Variants in APAF1 observed in about 807,000 individuals in gnomAD.
APAF1 encodes apoptotic protease-activating factor 1.
A neutral mutation model predicts 152.4 loss-of-function variants in APAF1; 91 were observed. That is an observed-to-expected ratio of 0.60 (90% CI 0.50 to 0.71). APAF1 has a LOEUF of 0.71. APAF1 is among the 30% of genes least tolerant of loss of function. The pLI, the probability that APAF1 is intolerant of heterozygous loss-of-function variation, is 0.00. For missense variants in APAF1, 1,283 were observed against 1,472.0 expected (o/e 0.87, Z 2.10); for synonymous variants, 484 against 494.1 (o/e 0.98, Z 0.27).
chr12:98,717,355 C>T (rs973623810), intron 22 of APAF1, among the ~76,000 whole-genome samples: 14 of 150,290 alleles, frequency 9.3e-5, no homozygotes, highest in African/African-American at 2.0e-4. Context: ...AAATTATATA[C>T]ACACACACAC....
intron 19 of APAF1, among the ~76,000 whole-genome samples, chr12:98,707,271 C>T (rs989908073): frequency 6.6e-6 from 1 of 152,176 alleles, no homozygotes; most frequent in Non-Finnish European, 1.5e-5. Flanking sequence ...CAACACTGGA[C>T]TGCTCACATT....
intron 5 of APAF1, among the ~76,000 whole-genome samples, 199 bp downstream of exon 5, chr12:98,659,542 A>C (rs2097662116): frequency 6.6e-6 from 1 of 152,054 alleles, no homozygotes; most frequent in South Asian, 2.1e-4. Flanking sequence ...ACCTGAGGTC[A>C]GGAGTTCAAG....
At chr12:98,679,868 C>T (rs1014739175) in intron 13 of APAF1, among the ~76,000 whole-genome samples, 56 of 152,386 alleles carry the variant, frequency 3.7e-4, no homozygotes, top group African/African-American at 1.2e-3. Context: ...CACTCACACA[C>T]GCCTCGCTGT....
At chr12:98,657,647 G>T (rs1032462917) in intron 4 of APAF1, among the ~76,000 whole-genome samples, 2 of 152,318 alleles carry the variant, frequency 1.3e-5, no homozygotes, top group East Asian at 3.9e-4. Context: ...GTAGGTTAAG[G>T]TGGGTTGTTT....
chr12:98,734,643 G>A lies in APAF1; in HGVS notation c.*2077G>A, dbSNP rs2097766705. The A allele has an allele frequency of 6.6e-6, 1 of 152,664 alleles. No individual in the cohort carries two copies. Among genetic ancestry groups the A allele is most frequent in the Admixed American group, 6.5e-5 (1 of 15,288 alleles). The allele number at this position is 152,664 out of a possible 1,614,324, so 9.5% of individuals were successfully genotyped here. On this transcript the variant is annotated 3_prime_UTR_variant, in exon 27 of 27. Transcript: ENST00000551964. Reference sequence around the variant, plus strand: ...CCTTTGATGGAATCATAAATACAGTGAATACAATCCTTTGCATTGTTAAGG... The same window carrying A: ...CCTTTGATGGAATCATAAATACAGTAAATACAATCCTTTGCATTGTTAAGG...
chr12:98,697,028 G>C (rs755768948), intron 16 of APAF1, among the ~76,000 whole-genome samples: 1 of 152,080 alleles, frequency 6.6e-6, no homozygotes, highest in Non-Finnish European at 1.5e-5. Context: ...GTTGGGGAAG[G>C]GTTCACATAC....
At chr12:98,725,625 C>A in intron 25 of APAF1, 85 bp downstream of exon 25, 1 of 1,583,218 alleles carries the variant, frequency 6.3e-7, no homozygotes, top group Non-Finnish European at 8.7e-7. Context: ...GTTCACGGGC[C>A]AGGGAAGCAT....
In APAF1 at chr12:98,706,558, T is replaced by G; in HGVS notation, c.2669T>G (p.Phe890Cys). The G allele has an allele frequency of 6.2e-7, 1 of 1,614,058 alleles. No homozygotes were observed. The highest frequency in any genetic ancestry group is 8.5e-7 in the Non-Finnish European group (1 of 1,179,936). Residue 890 changes from phenylalanine (F) to cysteine (C), a missense_variant, in exon 19 of 27, where the codon TTT becomes TGT. Physicochemically the swap from Phe to Cys is radical, Grantham distance 205 (BLOSUM62 -2). Coordinates refer to ENST00000551964, the MANE Select transcript of APAF1 (RefSeq NM_181861.2). Reference protein sequence around the residue: ...GHLSWVHGVMFSPDGSSFLTS... With the variant: ...GHLSWVHGVMCSPDGSSFLTS... ...TTAAGTTGGGTTCATGGTGTGATGTTTTCTCCTGATGGATCATCATTTTTG... is the reference window on the plus strand; with the variant it reads ...TTAAGTTGGGTTCATGGTGTGATGTGTTCTCCTGATGGATCATCATTTTTG...
At chr12:98,672,757 T>C (rs543940824) in intron 12 of APAF1, among the ~76,000 whole-genome samples, 80 of 152,104 alleles carry the variant, frequency 5.3e-4, no homozygotes, top group Non-Finnish European at 9.4e-4. Flanking sequence ...TATTTTATTT[T>C]ATTTTATTTT....
At chr12:98,681,766 A>G (rs1399744714) in intron 14 of APAF1, among the ~76,000 whole-genome samples, 1 of 152,188 alleles carries the variant, frequency 6.6e-6, no homozygotes, top group Non-Finnish European at 1.5e-5. Context: ...TTCTAAAGTC[A>G]GAGCTACATG....
intron 7 of APAF1, among the ~76,000 whole-genome samples, chr12:98,663,923 G>C (rs2097668807): frequency 6.6e-6 from 1 of 152,128 alleles, no homozygotes; most frequent in African/African-American, 2.4e-5. Flanking sequence ...CTCCCAAAGT[G>C]CTGGGATTAT....
chr12:98,646,712 T>G (rs1470343817), intron 1 of APAF1, among the ~76,000 whole-genome samples: 2 of 152,218 alleles, frequency 1.3e-5, no homozygotes, highest in Non-Finnish European at 2.9e-5. Context: ...CTCTATACAT[T>G]GTGTAAAGTT....
chr12:98,690,020 A>G (rs2097702539), intron 16 of APAF1, among the ~76,000 whole-genome samples: 1 of 152,186 alleles, frequency 6.6e-6, no homozygotes, highest in African/African-American at 2.4e-5. Context: ...AATTGTACTC[A>G]AGTATTCAGT....
At chr12:98,674,890 G>C (rs972880843) in intron 12 of APAF1, among the ~76,000 whole-genome samples, 15 of 152,142 alleles carry the variant, frequency 9.9e-5, no homozygotes, top group African/African-American at 3.6e-4. Context: ...CATTTTTCTG[G>C]TCTGTATTCA....
intron 15 of APAF1, 115 bp from the exon 16 acceptor site, chr12:98,686,633 C>A: frequency 9.5e-7 from 1 of 1,049,432 alleles, no homozygotes; most frequent in Non-Finnish European, 1.4e-6. Flanking sequence ...GTGAATTAAA[C>A]ATCATTCTGT....
In APAF1 at chr12:98,680,268, C is replaced by T. The variant is rs2097690930; in HGVS notation, c.1921-9C>T. The T allele has an allele frequency of 1.9e-6, 3 of 1,583,190 alleles. No homozygotes were observed. Among genetic ancestry groups the T allele is most frequent in the African/African-American group, 2.7e-5 (2 of 74,150 alleles). ...TATTATAAAAAATATTTTATTGTTA[C>T]TTGTGCAGGTGTTCAAAGCTGAAAC... On this transcript the variant is annotated splice_polypyrimidine_tract_variant and intron_variant, in intron 13 of 26. Coordinates refer to ENST00000551964, the MANE Select transcript of APAF1 (RefSeq NM_181861.2).
At chr12:98,714,716 G>A (rs2097731928) in intron 21 of APAF1, among the ~76,000 whole-genome samples, 1 of 152,066 alleles carries the variant, frequency 6.6e-6, no homozygotes. Context: ...AGTTTCTGGT[G>A]TCTCCTGCTT....
chr12:98,679,672 C>T (rs769445933), intron 13 of APAF1, among the ~76,000 whole-genome samples: 4 of 152,256 alleles, frequency 2.6e-5, no homozygotes, highest in Admixed American at 6.5e-5. Context: ...TTTGGGGCCC[C>T]GCGGTTCCTG....
At chr12:98,710,179 G>GTTT (rs71443529) in intron 20 of APAF1, among the ~76,000 whole-genome samples, 2,109 of 127,654 alleles carry the variant, frequency 0.017, 27 homozygotes, top group Non-Finnish European at 0.021. Context: ...CGGCCTAAGG[G>GTTT]TTTTTTTTTT....
Sources: allele counts gnomAD v4.1 joint callset (sites outside exome capture counted in the v4.1 genomes callset), GRCh38; gene constraint gnomAD v4.1.1; transcripts MANE v1.5; gene names NCBI Gene and HGNC (gene_info 2026-07-23, HGNC 2026-07-21).